RO60: variants seen among roughly 807,000 people sequenced by gnomAD.
RO60 encodes the protein Ro60, Y RNA binding protein.
In RO60, 20 loss-of-function variants were observed where a neutral mutation model predicts 55.3. The ratio of observed to expected loss-of-function variants is 0.36; its 90% CI spans 0.25 to 0.53. The LOEUF is 0.53. Among genes scored for constraint, RO60 ranks in the 20% least tolerant of loss-of-function variants. The pLI, the probability that RO60 is intolerant of heterozygous loss-of-function variation, is 0.92. For synonymous variants in RO60, 213 were observed against 213.6 expected (o/e 1.00, Z 0.02); for missense variants, 558 against 646.6 (o/e 0.86, Z 1.49).
intron 5 of RO60, among the ~76,000 whole-genome samples, chr1:193,080,286 G>A (rs941623174): frequency 6.6e-6 from 1 of 152,170 alleles, no homozygotes; most frequent in Admixed American, 6.5e-5. Context: ...GGAGAAATTG[G>A]AACCCTAGTG....
At chr1:193,083,078 T>C (rs960295496) in intron 8 of RO60, among the ~76,000 whole-genome samples, 5 of 152,146 alleles carry the variant, frequency 3.3e-5, no homozygotes, top group African/African-American at 2.4e-5. Context: ...CTTATGTGTT[T>C]CAAAAAATGT....
intron 5 of RO60, among the ~76,000 whole-genome samples, chr1:193,077,898 T>A (rs1674038989): frequency 6.6e-6 from 1 of 152,122 alleles, no homozygotes; most frequent in South Asian, 2.1e-4. Flanking sequence ...GGTCCTCTGT[T>A]TTCCCCATTA....
Position 193,059,978 on chromosome 1 carries a change from C to T in RO60, c.-22+202C>T. On this transcript the variant is annotated intron_variant, in intron 1 of 8. Coordinates refer to ENST00000400968, the MANE Select transcript of RO60 (RefSeq NM_001173524.2). This position sits in a 1 kb window ranked among gnomAD's most constrained non-coding sequence, Gnocchi z 4.9. ...ACCAGCATCGCGGTAGGGACATCCT[C>T]GCTAGGCCCGGCCGGACCATTCCTC... The T allele has an allele frequency of 2.2e-6, 3 of 1,366,338 alleles. No homozygotes were observed. Among genetic ancestry groups the T allele is most frequent in the South Asian group, 1.1e-5 (1 of 88,020 alleles). 84.6% of individuals were successfully genotyped at this position (1,366,338 alleles called of 1,614,324 possible). A position where few individuals can be genotyped will look rare whatever the true frequency, so the allele number is the denominator to read the frequency against.
At position 193,085,692 on chromosome 1, in the gene RO60, A is replaced by AT; in HGVS notation, c.*968dup. The AT allele has an allele frequency of 1.0e-6, 1 of 977,414 alleles. No individual in the cohort carries two copies. Among genetic ancestry groups the AT allele is most frequent in the South Asian group, 4.7e-5 (1 of 21,114 alleles). The allele number at this position is 977,414 out of a possible 1,614,324, so 60.5% of individuals were successfully genotyped here. A position where few individuals can be genotyped will look rare whatever the true frequency, so the allele number is the denominator to read the frequency against. On this transcript the variant is annotated 3_prime_UTR_variant, in exon 9 of 9. Transcript: ENST00000400968. ...AAAATAAAATTTTTTACTTTTAACT[A>AT]TTTTTTTAGTTAATATTTTTAAAAG...
intron 1 of RO60, among the ~76,000 whole-genome samples, chr1:193,065,522 G>C (rs1305085204): frequency 6.6e-6 from 1 of 152,166 alleles, no homozygotes; most frequent in Non-Finnish European, 1.5e-5. Flanking sequence ...TTTTATGAAA[G>C]CTGAGGGAGA....
rs540528094 is a variant in RO60, at chr1:193,080,962, G to T, written c.1087-402G>T. Reference sequence around the variant, plus strand: ...AGAGGTGATAGTTACACAACATTGCGAATGTACTTAATGCCACCAAATTGT... The same window carrying T: ...AGAGGTGATAGTTACACAACATTGCTAATGTACTTAATGCCACCAAATTGT... On this transcript the variant is annotated intron_variant, in intron 5 of 8. Transcript: ENST00000400968. 1.3e-5 allele frequency among the ~76,000 whole-genome samples: 2 copies of T among 152,068 alleles called. 1 individual carries two copies. Among genetic ancestry groups the T allele is most frequent in the Non-Finnish European group, 2.9e-5 (2 of 67,986 alleles).
In RO60 at chr1:193,069,164, T is replaced by TA; in HGVS notation, c.111dup (p.Cys38MetfsTer5). 1 of 1,614,226 alleles carries TA rather than the reference T, an allele frequency of 6.2e-7. No individual in the cohort carries two copies. Among genetic ancestry groups the TA allele is most frequent in the Non-Finnish European group, 8.5e-7 (1 of 1,180,030 alleles). Reference sequence around the variant, plus strand: ...GACATGAATCGACTACACCGGTTCTTATGTTTCGGTTCTGAAGGTGGGACT... The same window carrying TA: ...GACATGAATCGACTACACCGGTTCTTAATGTTTCGGTTCTGAAGGTGGGACT... On this transcript the variant is annotated frameshift_variant, in exon 2 of 9. Transcript: ENST00000400968. LOFTEE classifies it high-confidence loss of function.
In RO60 at chr1:193,076,018, CA is replaced by C; in HGVS notation, c.782del (p.Asn261IlefsTer3). 1 of 1,607,536 alleles carries C rather than the reference CA, an allele frequency of 6.2e-7. No individual in the cohort carries two copies. Among genetic ancestry groups the C allele is most frequent in the South Asian group, 1.1e-5 (1 of 90,148 alleles). ...AGATTAGTTAGAGAACATCTTTTAA[CA>C]AATCACTTAAAGTCTAAAGAGGTGA... is the stretch of plus-strand genomic sequence containing the variant. ...EHRLVREHLLTNHLKSKEVWK... is the reference protein window; with the variant it reads ...EHRLVREHLLXNHLKSKEVWK... On this transcript the variant is annotated frameshift_variant, in exon 3 of 9. Transcript: ENST00000400968. LOFTEE classifies it high-confidence loss of function.
intron 5 of RO60, among the ~76,000 whole-genome samples, chr1:193,079,519 C>T (rs535927027): frequency 6.6e-6 from 1 of 152,136 alleles, no homozygotes; most frequent in Non-Finnish European, 1.5e-5. Context: ...ACACCAAATA[C>T]AAGAATTAGT....
rs1242397338 is a variant in RO60, at chr1:193,090,028, T to TCTCGTGAC, written c.*5305_*5312dup. 6.6e-6 allele frequency: 1 copy of TCTCGTGAC among 152,146 alleles called. No homozygotes were observed. The highest frequency in any genetic ancestry group is 1.5e-5 in the Non-Finnish European group (1 of 68,036). 9.4% of individuals were successfully genotyped at this position (152,146 alleles called of 1,614,324 possible). ...ACCATGTTGGTCAGGCTGGCCTCGA[T>TCTCGTGAC]CTCGTGACCTCGTGATCTGTCCGCC... On this transcript the variant is annotated 3_prime_UTR_variant, in exon 9 of 9. Coordinates refer to ENST00000400968, the MANE Select transcript of RO60 (RefSeq NM_001173524.2).
chr1:193,091,604 TA>T, downstream of RO60: 1 of 1,501,612 alleles, frequency 6.7e-7, no homozygotes, highest in Non-Finnish European at 9.2e-7. Context: ...TGTTTCATGA[TA>T]AAACAGTTTT....
Position 193,073,367 on chromosome 1 carries a change from G to A in RO60, c.581-2453G>A, listed in dbSNP as rs1294022170. ...CAGTTGGCATAGAGATGTGTTTCATGTGGCCTATACAATATTTTTGGGTAA... is the reference window on the plus strand; with the variant it reads ...CAGTTGGCATAGAGATGTGTTTCATATGGCCTATACAATATTTTTGGGTAA... On this transcript the variant is annotated intron_variant, in intron 2 of 8. Transcript: ENST00000400968. Among the ~76,000 whole-genome samples the A allele has an allele frequency of 3.3e-5, 5 of 152,178 alleles. No homozygotes were observed. The South Asian group carries it at 1.0e-3, about 31-fold the overall frequency.
Position 193,059,670 on chromosome 1 carries a change from T to G in RO60, c.-128T>G. ...GCGGCAGTGGGGCTGTTGCTGTTGC[T>G]GTGGCTGTCGCTGCCCGTCAGGCTG... On this transcript the variant is annotated 5_prime_UTR_variant, in exon 1 of 9. Coordinates refer to ENST00000400968, the MANE Select transcript of RO60 (RefSeq NM_001173524.2). The surrounding 1 kb of genome is among the most constrained non-coding windows in gnomAD (Gnocchi z 4.9). 2 of 1,372,138 alleles carry G rather than the reference T, an allele frequency of 1.5e-6. No individual in the cohort carries two copies. Among genetic ancestry groups the G allele is most frequent in the Non-Finnish European group, 1.9e-6 (2 of 1,027,716 alleles). 85.0% of individuals were successfully genotyped at this position (1,372,138 alleles called of 1,614,324 possible).
At chr1:193,081,333 G>A (rs777809181) in intron 5 of RO60, 31 bp from the exon 6 acceptor site, 1 of 1,246,596 alleles carries the variant, frequency 8.0e-7, no homozygotes, top group South Asian at 1.3e-5. Flanking sequence ...TTTCTGTTAT[G>A]CTTTTAATGA....
intron 5 of RO60, among the ~76,000 whole-genome samples, chr1:193,079,851 G>A (rs1274625635): frequency 6.6e-6 from 1 of 151,860 alleles, no homozygotes; most frequent in Non-Finnish European, 1.5e-5. Context: ...AAAGGGCCAG[G>A]TGCAGTGGCT....
intron 1 of RO60, among the ~76,000 whole-genome samples, chr1:193,062,497 G>T (rs1198873865): frequency 6.6e-6 from 1 of 152,144 alleles, no homozygotes; most frequent in East Asian, 1.9e-4. Flanking sequence ...GCTAGTTTAT[G>T]TTTGTATTTT....
chr1:193,060,187 ATT>A (rs1672441911), intron 1 of RO60: 1 of 1,020,270 alleles, frequency 9.8e-7, no homozygotes, highest in Admixed American at 3.7e-5. Flanking sequence ...GACAGGGTGA[ATT>A]TATCACAGAG....
chr1:193,076,816 A>G (rs1054572465), intron 4 of RO60, 97 bp from the exon 5 acceptor site: 6 of 1,383,030 alleles, frequency 4.3e-6, no homozygotes, highest in Admixed American at 2.4e-5. Flanking sequence ...TCTCTTTTCT[A>G]TATGAAATGT....
At chr1:193,082,520 G>A (rs1674381583) in intron 7 of RO60, 42 bp from the exon 8 acceptor site, 1 of 1,601,152 alleles carries the variant, frequency 6.2e-7, no homozygotes, top group African/African-American at 1.3e-5. Flanking sequence ...GTATTTTTAA[G>A]GATTTATTTA....
Sources: gnomAD v4.1 joint callset for allele counts (sites outside exome capture counted in the v4.1 genomes callset) on GRCh38, gnomAD v4.1.1 for gene constraint, Gnocchi (gnomAD v3.1) non-coding constraint, MANE v1.5 for transcripts, NCBI Gene and HGNC (gene_info 2026-07-23, HGNC 2026-07-21) for gene names.